The following IL20RB variants were observed in gnomAD, a reference collection of about 807,000 sequenced individuals.
The protein encoded by IL20RB is interleukin-20 receptor subunit beta.
IL20RB carries 21 observed loss-of-function variants against 33.3 expected under a neutral mutation model. The ratio of observed to expected loss-of-function variants is 0.63; its 90% confidence interval spans 0.45 to 0.91. The LOEUF (loss-of-function observed/expected upper bound fraction) is 0.91. Ranked by LOEUF, IL20RB falls within the 40% of genes least tolerant of loss-of-function variation. The pLI is 0.00. For synonymous variants in IL20RB, 147 were observed against 146.8 expected, an observed-to-expected ratio of 1.00 and a Z score of -0.01; for missense variants, 345 against 384.8, an observed-to-expected ratio of 0.90 and a Z score of 0.86.
intron 6 of IL20RB, among the ~76,000 whole-genome samples, chr3:137,008,071 G>A (rs1460694325): frequency 1.3e-5 from 2 of 152,184 alleles, no homozygotes; most frequent in Non-Finnish European, 2.9e-5. Context: ...GTGCTTTGGT[G>A]CTGAAGGGTC....
At chr3:136,986,080 C>A (rs191284233) in intron 3 of IL20RB, among the ~76,000 whole-genome samples, 2 of 151,964 alleles carry the variant, frequency 1.3e-5, no homozygotes, top group South Asian at 4.2e-4. Context: ...ACAGTGAAAC[C>A]CCGTCGCCTG....
chr3:136,984,585 G>A (rs1941857291), intron 3 of IL20RB, among the ~76,000 whole-genome samples: 1 of 151,900 alleles, frequency 6.6e-6, no homozygotes, highest in Non-Finnish European at 1.5e-5. Context: ...ATTTACTGAG[G>A]AATGTATGAT....
At chr3:136,986,212 C>CAAATAAATAAAT (rs751861399) in intron 3 of IL20RB, among the ~76,000 whole-genome samples, 90 of 138,172 alleles carry the variant, frequency 6.5e-4, no homozygotes, top group African/African-American at 2.0e-3. Context: ...GACTCCATCT[C>CAAATAAATAAAT]AAATAAATAA....
At chr3:137,002,735 T>C (rs1942271897) in intron 6 of IL20RB, among the ~76,000 whole-genome samples, 1 of 152,204 alleles carries the variant, frequency 6.6e-6, no homozygotes, top group Non-Finnish European at 1.5e-5. Context: ...TTCACTCTGA[T>C]GGTAGTTTCT....
chr3:136,991,901 C>T (rs746051178), intron 4 of IL20RB, 37 bp from the exon 5 acceptor site: 24 of 1,606,002 alleles, frequency 1.5e-5, no homozygotes, highest in Non-Finnish European at 2.0e-5. Context: ...TGAGCCACCG[C>T]ACTTGGCCAA....
chr3:136,990,282 A>T (rs1051807005), intron 4 of IL20RB, among the ~76,000 whole-genome samples: 7 of 152,128 alleles, frequency 4.6e-5, no homozygotes, highest in African/African-American at 1.7e-4. Flanking sequence ...AGCACAAGCA[A>T]AGATAGGCTT....
At position 136,980,483 on chromosome 3, in the gene IL20RB, C is replaced by T. The variant is rs767551589; in HGVS notation, c.106C>T (p.Pro36Ser). The T allele has an allele frequency of 6.2e-7, 1 of 1,614,166 alleles. No homozygotes were observed. Among genetic ancestry groups the T allele is most frequent in the South Asian group, 1.1e-5 (1 of 91,082 alleles). Residue 36 changes from proline (P) to serine (S), a missense_variant, in exon 2 of 7, where the codon CCT becomes TCT. By Grantham distance (74) the Pro-to-Ser change is moderately conservative (BLOSUM62 -1). Coordinates refer to ENST00000329582, the MANE Select transcript of IL20RB (RefSeq NM_144717.4). The stretch of plus-strand genomic sequence containing the variant: ...GATCCTAGATGAAGTGGCCATTCTG[C>T]CTGCCCCTCAGAACCTCTCTGTACT... Reference protein sequence around the residue: ...CLLTDEVAILPAPQNLSVLST... With the variant: ...CLLTDEVAILSAPQNLSVLST...
chr3:136,989,712 A>G (rs1291317388), intron 4 of IL20RB, 147 bp downstream of exon 4: 1 of 811,560 alleles, frequency 1.2e-6, no homozygotes, highest in Admixed American at 2.6e-5. Flanking sequence ...GAGTATGCTG[A>G]CCACCCCATC....
rs10540948 is a variant in IL20RB at position 136,960,138 on chromosome 3, CTTTTTTTTTTTTTT to C, written c.88+1954_88+1967del. 7.3e-3 allele frequency among the ~76,000 whole-genome samples: 264 copies of C among 36,218 alleles called. 2 individuals are homozygous for C. Among genetic ancestry groups the C allele is most frequent in the African/African-American group, 0.023 (216 of 9,336 alleles). 23.8% of individuals were successfully genotyped at this position (36,218 alleles called of 152,430 possible). On this transcript the variant is annotated intron_variant, in intron 1 of 6. Coordinates refer to ENST00000329582, the MANE Select transcript of IL20RB (RefSeq NM_144717.4). ...ACTGGGCAGATGGGTAGAGTTGTGG[CTTTTTTTTTTTTTT>C]TTTTTTTTTTTTTTTTGACCGAGTC...
intron 6 of IL20RB, among the ~76,000 whole-genome samples, chr3:137,003,115 T>C (rs974919279): frequency 1.3e-5 from 2 of 152,226 alleles, no homozygotes; most frequent in Admixed American, 1.3e-4. Flanking sequence ...CTCTGTTCTG[T>C]TCCATTTGTC....
intron 5 of IL20RB, among the ~76,000 whole-genome samples, chr3:136,993,155 G>C (rs1259580735): frequency 2.0e-5 from 3 of 152,088 alleles, no homozygotes; most frequent in Non-Finnish European, 2.9e-5. Flanking sequence ...TTGAGCCCAG[G>C]AGTTCAACAC....
At chr3:136,992,350 C>T in intron 5 of IL20RB, among the ~76,000 whole-genome samples, 1 of 152,208 alleles carries the variant, frequency 6.6e-6, no homozygotes, top group Non-Finnish European at 1.5e-5. Flanking sequence ...GCCTGGGGGC[C>T]AGGTGTTGCA....
At position 136,958,102 on chromosome 3, in the gene IL20RB, T is replaced by C. The variant is rs1293591765; in HGVS notation, c.-12T>C. 2 of 1,520,708 alleles carry C rather than the reference T, an allele frequency of 1.3e-6. No homozygotes were observed. The highest frequency in any genetic ancestry group is 1.8e-6 in the Non-Finnish European group (2 of 1,095,970). The allele number at this position is 1,520,708 out of a possible 1,614,324, so 94.2% of individuals were successfully genotyped here. ...AAAGAAACAATGTTCTAGGTCAAAC[T>C]GAGTCTACCAAATGCAGACTTTCAC... is the stretch of plus-strand genomic sequence containing the variant. On this transcript the variant is annotated 5_prime_UTR_variant, in exon 1 of 7. An upstream open reading frame in the 5' UTR loses its in-frame stop. Coordinates refer to ENST00000329582, the MANE Select transcript of IL20RB (RefSeq NM_144717.4).
intron 1 of IL20RB, among the ~76,000 whole-genome samples, chr3:136,978,301 G>T (rs1207232868): frequency 6.6e-6 from 1 of 151,892 alleles, no homozygotes; most frequent in Non-Finnish European, 1.5e-5. Context: ...AAGTAGCTGG[G>T]ATTACAGGTG....
chr3:136,980,362 T>C, intron 1 of IL20RB, 104 bp from the exon 2 acceptor site: 1 of 1,389,432 alleles, frequency 7.2e-7, no homozygotes, highest in Non-Finnish European at 1.0e-6. Flanking sequence ...CTCAGCTTAC[T>C]GCAACCTCCG....
chr3:136,972,764 A>G (rs1432207546), intron 1 of IL20RB, among the ~76,000 whole-genome samples: 1 of 147,972 alleles, frequency 6.8e-6, no homozygotes, highest in Non-Finnish European at 1.5e-5. Context: ...CATTTTCTTG[A>G]TGTATTTTTT....
intron 6 of IL20RB, among the ~76,000 whole-genome samples, chr3:137,007,744 G>A (rs1383543626): frequency 6.6e-6 from 1 of 152,200 alleles, no homozygotes; most frequent in Non-Finnish European, 1.5e-5. Flanking sequence ...TGTGCTTCCC[G>A]GGTAAGGCGA....
At position 137,010,501 on chromosome 3, in the gene IL20RB, T is replaced by C; in HGVS notation, c.*278T>C. 2.9e-6 allele frequency: 1 copy of C among 344,076 alleles called. No homozygotes were observed. The highest frequency in any genetic ancestry group is 5.2e-5 in the East Asian group (1 of 19,362). 21.3% of individuals were successfully genotyped at this position (344,076 alleles called of 1,614,324 possible). A position where few individuals can be genotyped will look rare whatever the true frequency, so the allele number is the denominator to read the frequency against. ...GACTTCATCCCTTCGGTCCTAAGTTTTCTCATCTGTAATGGGGGAATTACC... is the reference window on the plus strand; with the variant it reads ...GACTTCATCCCTTCGGTCCTAAGTTCTCTCATCTGTAATGGGGGAATTACC... On this transcript the variant is annotated 3_prime_UTR_variant, in exon 7 of 7. Transcript: ENST00000329582.
At chr3:137,002,165 A>G (rs1345521326) in intron 6 of IL20RB, among the ~76,000 whole-genome samples, 2 of 152,144 alleles carry the variant, frequency 1.3e-5, no homozygotes, top group African/African-American at 4.8e-5. Context: ...TTCTTAATCC[A>G]GTCTATCATT....
Sources: gnomAD v4.1 joint callset for allele counts (sites outside exome capture counted in the v4.1 genomes callset) on GRCh38, gnomAD v4.1.1 for gene constraint, MANE v1.5 for transcripts, NCBI Gene and HGNC (gene_info 2026-07-23, HGNC 2026-07-21) for gene names.